SRP19: variants seen among roughly 807,000 people sequenced by gnomAD.
The protein encoded by SRP19 is signal recognition particle 19.
Under a neutral mutation model 22.4 loss-of-function variants are expected in SRP19, and 11 were observed. That is an observed-to-expected ratio of 0.49 (90% CI 0.31 to 0.81). The LOEUF is 0.81. Among genes scored for constraint, SRP19 ranks in the 40% least tolerant of loss-of-function variants. The pLI is 0.05. For missense variants in SRP19, 168 were observed against 175.9 expected, an observed-to-expected ratio of 0.96 and a Z score of 0.25; for synonymous variants, 61 against 57.6, an observed-to-expected ratio of 1.06 and a Z score of -0.27.
At chr5:112,872,778 C>G (rs951141466), downstream of SRP19, among the ~76,000 whole-genome samples, 5 of 152,270 alleles carry the variant, frequency 3.3e-5, no homozygotes, top group African/African-American at 9.6e-5. Context: ...TTGTGTATCC[C>G]GTGTATTCCT....
chr5:112,864,289 A>C (rs1271667959), intron 2 of SRP19, 168 bp from the exon 3 acceptor site: 4 of 605,096 alleles, frequency 6.6e-6, no homozygotes, highest in Non-Finnish European at 2.9e-6. Flanking sequence ...CATTAGTGTT[A>C]TTCCTAGGAA....
intron 4 of SRP19, among the ~76,000 whole-genome samples, chr5:112,888,066 GT>G (rs140234565): frequency 0.035 from 5,314 of 152,214 alleles, 225 homozygotes; most frequent in East Asian, 0.16. Context: ...CACAGCCTAG[GT>G]GACTCTACAA....
At chr5:112,884,539 G>A (rs779161692) in intron 4 of SRP19, among the ~76,000 whole-genome samples, 15 of 151,816 alleles carry the variant, frequency 9.9e-5, no homozygotes, top group Admixed American at 2.6e-4. Context: ...CACAACGTCC[G>A]GCTAATTTTT....
In SRP19 at chr5:112,868,759, CT is replaced by C. The variant is rs1767688434; in HGVS notation, c.*1223del. 1 of 151,650 alleles carries C rather than the reference CT, an allele frequency of 6.6e-6. No homozygotes were observed. Among genetic ancestry groups the C allele is most frequent in the South Asian group, 2.1e-4 (1 of 4,810 alleles). 9.4% of individuals were successfully genotyped at this position (151,650 alleles called of 1,614,324 possible). A position where few individuals can be genotyped will look rare whatever the true frequency, so the allele number is the denominator to read the frequency against. ...CCTATTGATTGTAAAATAAGCAAAC[CT>C]AGAGTTGTGGAGATTTATATGTATT... is the stretch of plus-strand genomic sequence containing the variant. On this transcript the variant is annotated 3_prime_UTR_variant, in exon 5 of 5. Coordinates refer to ENST00000505459, the MANE Select transcript of SRP19 (RefSeq NM_003135.3).
At chr5:112,884,701 G>C in intron 4 of SRP19, among the ~76,000 whole-genome samples, 1 of 151,818 alleles carries the variant, frequency 6.6e-6, no homozygotes, top group Admixed American at 6.6e-5. Flanking sequence ...CTACTATTGA[G>C]TCTGATTCAG....
chr5:112,861,308 G>GCCGGGTTCCTC lies in SRP19; in HGVS notation c.-61_-51dup. 1 of 1,583,230 alleles carries GCCGGGTTCCTC rather than the reference G, an allele frequency of 6.3e-7. No individual in the cohort carries two copies. The highest frequency in any genetic ancestry group is 8.7e-7 in the Non-Finnish European group (1 of 1,152,242). ...AAGCGGGCTGTCTCGGAAACTCAGAGCCGGGTTCCTCCCGGGTTTCTGCCG... is the reference window on the plus strand; with the variant it reads ...AAGCGGGCTGTCTCGGAAACTCAGAGCCGGGTTCCTCCCGGGTTCCTCCCGGGTTTCTGCCG... On this transcript the variant is annotated 5_prime_UTR_variant, in exon 1 of 5. Transcript: ENST00000505459.
intron 4 of SRP19, among the ~76,000 whole-genome samples, chr5:112,875,215 G>A (rs912747422): frequency 6.6e-6 from 1 of 152,208 alleles, no homozygotes; most frequent in Non-Finnish European, 1.5e-5. Context: ...TTCCAGCCAT[G>A]CTATATAGAA....
intron 4 of SRP19, among the ~76,000 whole-genome samples, chr5:112,887,957 A>G (rs992532829): frequency 3.3e-5 from 5 of 152,250 alleles, no homozygotes; most frequent in African/African-American, 1.2e-4. Context: ...GCAGAAGGAA[A>G]AGGAATATTC....
intron 4 of SRP19, among the ~76,000 whole-genome samples, chr5:112,866,471 C>A (rs997320090): frequency 3.3e-5 from 5 of 152,276 alleles, no homozygotes; most frequent in African/African-American, 1.2e-4. Context: ...CTCAGCCTCC[C>A]AAGTAGCTGG....
At chr5:112,863,849 G>A (rs1428153582) in intron 2 of SRP19, among the ~76,000 whole-genome samples, 1 of 151,972 alleles carries the variant, frequency 6.6e-6, no homozygotes, top group Non-Finnish European at 1.5e-5. Context: ...TTTTTTTGTA[G>A]CAATGAGATT....
At chr5:112,895,615 C>A (rs1459949850), downstream of SRP19, 1 of 152,194 alleles carries the variant, frequency 6.6e-6, no homozygotes, top group Non-Finnish European at 1.5e-5. Flanking sequence ...AAAATAATTA[C>A]TGCTCTCTAG....
chr5:112,882,637 G>T (rs934369468), intron 4 of SRP19, among the ~76,000 whole-genome samples: 1 of 152,100 alleles, frequency 6.6e-6, no homozygotes, highest in South Asian at 2.1e-4. Context: ...GTCCTAGAGG[G>T]GCCAGCACAC....
downstream of SRP19, among the ~76,000 whole-genome samples, chr5:112,872,755 T>C (rs1767785987): frequency 6.6e-6 from 1 of 152,228 alleles, no homozygotes; most frequent in Non-Finnish European, 1.5e-5. Flanking sequence ...CTTTGCTGTT[T>C]TGGGGATATC....
chr5:112,867,972 A>C lies in SRP19; in HGVS notation c.*435A>C. 3 of 987,054 alleles carry C rather than the reference A, an allele frequency of 3.0e-6. No homozygotes were observed. The highest frequency in any genetic ancestry group is 2.4e-6 in the Non-Finnish European group (2 of 830,854). 61.1% of individuals were successfully genotyped at this position (987,054 alleles called of 1,614,324 possible). A position where few individuals can be genotyped will look rare whatever the true frequency, so the allele number is the denominator to read the frequency against. ...AGGGATAATTAAGAATAAAATATGT[A>C]GTGAAAGTTTCCATAGTGTGAGGCT... On this transcript the variant is annotated 3_prime_UTR_variant, in exon 5 of 5. Coordinates refer to ENST00000505459, the MANE Select transcript of SRP19 (RefSeq NM_003135.3).
At chr5:112,878,287 T>C (rs1160143827) in intron 4 of SRP19, 1 of 155,000 alleles carries the variant, frequency 6.5e-6, no homozygotes, top group African/African-American at 2.4e-5. Context: ...CTTCCCCTGC[T>C]CCCTCCCCAT....
chr5:112,888,161 CTTTAAA>C (rs1768317854), intron 4 of SRP19, among the ~76,000 whole-genome samples: 1 of 97,110 alleles, frequency 1.0e-5, no homozygotes, highest in Non-Finnish European at 1.9e-5. Context: ...ATTTCTCATG[CTTTAAA>C]TTTAAGTCTT....
intron 4 of SRP19, chr5:112,885,676 A>C (rs1456312320): frequency 3.2e-6 from 1 of 309,084 alleles, no homozygotes; most frequent in Non-Finnish European, 6.6e-6. Context: ...AGAAGGACCC[A>C]ATTCCTAACC....
chr5:112,890,785 CT>C (rs1768414885), intron 4 of SRP19, among the ~76,000 whole-genome samples: 1 of 150,790 alleles, frequency 6.6e-6, no homozygotes, highest in Non-Finnish European at 1.5e-5. Flanking sequence ...AAGAAACTAA[CT>C]TCCAATCCTG....
chr5:112,880,558 C>T (rs1177856292), intron 4 of SRP19, among the ~76,000 whole-genome samples: 1 of 152,216 alleles, frequency 6.6e-6, no homozygotes. Context: ...AAAATGTAGT[C>T]CTTCCCTTAA....
Sources: gnomAD v4.1 joint callset for allele counts (sites outside exome capture counted in the v4.1 genomes callset) on GRCh38, gnomAD v4.1.1 for gene constraint, MANE v1.5 for transcripts, NCBI Gene and HGNC (gene_info 2026-07-23, HGNC 2026-07-21) for gene names.